The following MLLT10 variants were observed in gnomAD, a reference collection of about 807,000 sequenced individuals.
MLLT10 encodes protein AF-10.
In MLLT10, 30 loss-of-function variants were observed where a neutral mutation model predicts 129.1. The ratio of observed to expected loss-of-function variants is 0.23; its 90% confidence interval spans 0.17 to 0.32. The LOEUF (loss-of-function observed/expected upper bound fraction) is 0.32, where lower values mean the gene tolerates loss of function less well. Among genes scored for constraint, MLLT10 ranks in the 10% least tolerant of loss-of-function variants. The pLI is 1.00. For missense variants in MLLT10, 1,119 were observed against 1,268.3 expected (o/e 0.88, Z 1.79); for synonymous variants, 490 against 446.4 (o/e 1.10, Z -1.23).
At chr10:21,640,189 T>C (rs147694377) in intron 8 of MLLT10, among the ~76,000 whole-genome samples, 2,773 of 144,696 alleles carry the variant, frequency 0.019, 79 homozygotes, top group African/African-American at 0.066. Context: ...TCAAATATTA[T>C]TATATAATAT....
At chr10:21,660,040 T>C (rs1386489167) in intron 9 of MLLT10, among the ~76,000 whole-genome samples, 1 of 151,902 alleles carries the variant, frequency 6.6e-6, no homozygotes, top group African/African-American at 2.4e-5. Flanking sequence ...CAGTGGCTCA[T>C]TGCAGCCTTG....
chr10:21,660,838 G>A lies in MLLT10; in HGVS notation c.795+9070G>A, dbSNP rs552518278. Among the ~76,000 whole-genome samples the A allele has an allele frequency of 5.7e-5, 8 of 139,356 alleles. No individual in the cohort carries two copies. In the East Asian group the frequency reaches 6.3e-4, roughly 11 times the overall value. 91.4% of individuals were successfully genotyped at this position (139,356 alleles called of 152,430 possible). A position where few individuals can be genotyped will look rare whatever the true frequency, so the allele number is the denominator to read the frequency against. On this transcript the variant is annotated intron_variant, in intron 9 of 22. Transcript: ENST00000307729. ...CAGTGAGCCAAGATAGCGTCATTGC[G>A]CTCTAGCCTGGGTGACAATCAAAAC... is the stretch of plus-strand genomic sequence containing the variant.
At chr10:21,549,477 G>C (rs1159652716) in intron 3 of MLLT10, among the ~76,000 whole-genome samples, 1 of 152,060 alleles carries the variant, frequency 6.6e-6, no homozygotes, top group Non-Finnish European at 1.5e-5. Context: ...AAGTCACTAG[G>C]GAGTATGCTT....
intron 13 of MLLT10, among the ~76,000 whole-genome samples, chr10:21,697,099 C>CAA (rs1163740638): frequency 0.15 from 12,046 of 82,192 alleles, 1,352 homozygotes; most frequent in African/African-American, 0.24. Context: ...CTGATTTAAG[C>CAA]AAAAAAAAAA....
At chr10:21,535,066 C>T (rs1357225968) in intron 2 of MLLT10, among the ~76,000 whole-genome samples, 1 of 127,028 alleles carries the variant, frequency 7.9e-6, no homozygotes, top group Non-Finnish European at 1.7e-5. Context: ...TCTGCTGACT[C>T]GGCGGGGCGG....
chr10:21,681,287 A>G, intron 11 of MLLT10, 45 bp from the exon 12 acceptor site: 1 of 1,610,026 alleles, frequency 6.2e-7, no homozygotes, highest in Non-Finnish European at 8.5e-7. Flanking sequence ...CCCTTGAGTC[A>G]CTGGCAATTT....
In MLLT10 at chr10:21,742,196, T is replaced by TACC. The variant is rs940148766; in HGVS notation, c.*214_*216dup. 9.3e-6 allele frequency: 4 copies of TACC among 428,224 alleles called. No homozygotes were observed. The highest frequency in any genetic ancestry group is 1.6e-5 in the Non-Finnish European group (4 of 243,682). 26.5% of individuals were successfully genotyped at this position (428,224 alleles called of 1,614,324 possible). A position where few individuals can be genotyped will look rare whatever the true frequency, so the allele number is the denominator to read the frequency against. ...ATGGAATTCCCATGCCCCTACCCCT[T>TACC]ACCCCAGTTTTTTGAACATGGAAAG... is the stretch of plus-strand genomic sequence containing the variant. On this transcript the variant is annotated 3_prime_UTR_variant, in exon 23 of 23. Transcript: ENST00000307729.
chr10:21,719,706 A>G (rs1482284237), intron 14 of MLLT10, among the ~76,000 whole-genome samples: 1 of 152,072 alleles, frequency 6.6e-6, no homozygotes, highest in Non-Finnish European at 1.5e-5. Context: ...ATGTTTCCAT[A>G]TGTAAAATGG....
intron 18 of MLLT10, 78 bp from the exon 19 acceptor site, chr10:21,733,426 T>G: frequency 1.1e-6 from 1 of 942,382 alleles, no homozygotes; most frequent in Non-Finnish European, 1.5e-6. Flanking sequence ...AGCATAAGCT[T>G]TTTAATAAGC....
intron 9 of MLLT10, among the ~76,000 whole-genome samples, chr10:21,663,222 A>G (rs1253159377): frequency 6.6e-6 from 1 of 152,080 alleles, no homozygotes; most frequent in African/African-American, 2.4e-5. Context: ...GTCCCCCTGG[A>G]GGTTTTCTTT....
rs950715166 is a variant in MLLT10 at position 21,642,385 on chromosome 10, G to A, written c.700-9288G>A. Among the ~76,000 whole-genome samples the A allele has an allele frequency of 7.8e-5, 11 of 141,504 alleles. No individual in the cohort carries two copies. The East Asian group carries it at 1.8e-3, about 23-fold the overall frequency. The allele number at this position is 141,504 out of a possible 152,430, so 92.8% of individuals were successfully genotyped here. ...AAAATACGAAGAAGTAGCCGGGCGC[G>A]GTGGCTCATGCCTCTAATCCCAGCA... On this transcript the variant is annotated intron_variant, in intron 8 of 22. Transcript: ENST00000307729.
chr10:21,717,677 TTCCTCCTCCTCCTCC>T (rs1218411767), intron 14 of MLLT10, among the ~76,000 whole-genome samples: 2 of 19,558 alleles, frequency 1.0e-4, no homozygotes, highest in African/African-American at 4.4e-4. Flanking sequence ...CCTCCTCCTC[TTCCTCCTCCTCCTCC>T]TCCTCCTCTT....
intron 21 of MLLT10, among the ~76,000 whole-genome samples, chr10:21,739,161 G>T (rs192119901): frequency 6.6e-6 from 1 of 152,102 alleles, no homozygotes; most frequent in Admixed American, 6.5e-5. Context: ...AAACCTTCCC[G>T]TTTTACCATG....
At chr10:21,698,360 G>C (rs902053592) in intron 13 of MLLT10, among the ~76,000 whole-genome samples, 1 of 152,092 alleles carries the variant, frequency 6.6e-6, no homozygotes, top group Admixed American at 6.5e-5. Context: ...TTAACATAAT[G>C]ATCTCCAGTT....
intron 20 of MLLT10, among the ~76,000 whole-genome samples, chr10:21,734,529 T>A (rs2058206753): frequency 6.6e-6 from 1 of 152,256 alleles, no homozygotes; most frequent in Non-Finnish European, 1.5e-5. Context: ...ATAAAGGTCA[T>A]TTATCTGAAT....
intron 13 of MLLT10, among the ~76,000 whole-genome samples, chr10:21,686,222 CT>C (rs1180895377): frequency 6.6e-6 from 1 of 152,130 alleles, no homozygotes; most frequent in African/African-American, 2.4e-5. Context: ...ATACAAGGCA[CT>C]TTCTTTTATA....
At chr10:21,651,899 A>ATT (rs2049070282) in intron 9 of MLLT10, 131 bp downstream of exon 9, 44 of 185,956 alleles carry the variant, frequency 2.4e-4, no homozygotes, top group South Asian at 1.5e-3. Context: ...TAGAATTCTC[A>ATT]TTTCTTTTTT....
intron 10 of MLLT10, among the ~76,000 whole-genome samples, chr10:21,671,496 G>C (rs1211286067): frequency 6.6e-6 from 1 of 152,064 alleles, no homozygotes; most frequent in African/African-American, 2.4e-5. Flanking sequence ...TTAAAAATTA[G>C]CTGGGTGTGA....
intron 8 of MLLT10, among the ~76,000 whole-genome samples, chr10:21,634,970 C>T (rs1250413301): frequency 2.6e-5 from 4 of 152,318 alleles, no homozygotes; most frequent in South Asian, 2.1e-4. Flanking sequence ...CTGCCCCAGA[C>T]CTTGAATCAG....
Sources: allele counts gnomAD v4.1 joint callset (sites outside exome capture counted in the v4.1 genomes callset), GRCh38; gene constraint gnomAD v4.1.1; transcripts MANE v1.5; gene names NCBI Gene and HGNC (gene_info 2026-07-23, HGNC 2026-07-21).